The following LDHA variants were observed in gnomAD, a reference collection of about 807,000 sequenced individuals.
The protein encoded by LDHA is lactate dehydrogenase A, also known as L-lactate dehydrogenase A chain.
In LDHA, 10 loss-of-function variants were observed where a neutral mutation model predicts 36.3. That is an observed-to-expected ratio of 0.28 (90% CI 0.17 to 0.47). The LOEUF is 0.47. LDHA is among the 20% of genes least tolerant of loss of function. The probability of loss-of-function intolerance (pLI) is 0.99; values close to 1 mark genes in which losing one functional copy is unlikely to be tolerated. For missense variants in LDHA, 267 were observed against 405.8 expected (o/e 0.66, Z 2.94); for synonymous variants, 110 against 136.7 (o/e 0.80, Z 1.36).
chr11:18,397,526 CT>C (rs1294800190), intron 2 of LDHA: 2 of 152,180 alleles, frequency 1.3e-5, no homozygotes, highest in Admixed American at 6.6e-5. Flanking sequence ...ATTAAAATGT[CT>C]GAGGCGGGGC....
chr11:18,408,371 G>A lies in LDHA; in HGVS notation c.*1090G>A. The A allele has an allele frequency of 2.8e-6, 1 of 357,192 alleles. No individual in the cohort carries two copies. The highest frequency in any genetic ancestry group is 2.2e-5 in the South Asian group (1 of 45,646). The allele number at this position is 357,192 out of a possible 1,614,324, so 22.1% of individuals were successfully genotyped here. On this transcript the variant is annotated 3_prime_UTR_variant, in exon 8 of 8. Transcript: ENST00000422447. ...ACCAAAAAAAACAAGTAACCTTGGT[G>A]GATGTCTACTCAAGTTTTCTGCACA...
chr11:18,402,799 G>C, intron 4 of LDHA, 41 bp from the exon 5 acceptor site: 1 of 1,473,564 alleles, frequency 6.8e-7, no homozygotes, highest in Non-Finnish European at 9.5e-7. Context: ...TGTGTGTAGG[G>C]AGAGGATAAT....
intron 3 of LDHA, chr11:18,400,214 G>C (rs1235985176): frequency 5.3e-6 from 1 of 189,490 alleles, no homozygotes; most frequent in Non-Finnish European, 1.1e-5. Flanking sequence ...CTCTTGGCTT[G>C]ACCCTTTCAC....
intron 7 of LDHA, chr11:18,405,927 T>G (rs540234566): frequency 7.4e-6 from 2 of 269,380 alleles, no homozygotes; most frequent in South Asian, 7.5e-5. Context: ...ATACTATTAA[T>G]TAAATCATAA....
At chr11:18,401,473 CTTTTTTTTTTTTT>C (rs58157049) in intron 4 of LDHA, among the ~76,000 whole-genome samples, 1 of 68,588 alleles carries the variant, frequency 1.5e-5, no homozygotes, top group Non-Finnish European at 2.6e-5. Flanking sequence ...ATTTATTTTT[CTTTTTTTTTTTTT>C]TTTTTTTTTG....
chr11:18,402,458 T>C, intron 4 of LDHA: 1 of 228,962 alleles, frequency 4.4e-6, no homozygotes, highest in Non-Finnish European at 8.4e-6. Context: ...TATGCCTGGC[T>C]AGTTTGTTAA....
At chr11:18,395,261 C>T (rs1490768251) in intron 1 of LDHA, 1 of 155,512 alleles carries the variant, frequency 6.4e-6, no homozygotes, top group East Asian at 1.9e-4. Flanking sequence ...CCAGCCCTTC[C>T]GCACCTCAGA....
Position 18,407,933 on chromosome 11 carries a change from G to A in LDHA, c.*652G>A. ...AATTTGGAAATATTAGGCTATTCTT[G>A]GGCAACCCTGCAACGATTTTTTCTA... On this transcript the variant is annotated 3_prime_UTR_variant, in exon 8 of 8. Coordinates refer to ENST00000422447, the MANE Select transcript of LDHA (RefSeq NM_005566.4). 1 of 454,034 alleles carries A rather than the reference G, an allele frequency of 2.2e-6. No homozygotes were observed. The highest frequency in any genetic ancestry group is 1.6e-5 in the South Asian group (1 of 64,476). 28.1% of individuals were successfully genotyped at this position (454,034 alleles called of 1,614,324 possible).
intron 6 of LDHA, 57 bp from the exon 7 acceptor site, chr11:18,405,392 T>G: frequency 6.3e-7 from 1 of 1,589,142 alleles, no homozygotes; most frequent in Non-Finnish European, 8.6e-7. Flanking sequence ...ACTTTGTTTT[T>G]CTTTCTTTCT....
chr11:18,401,955 C>CTCTCTTTTTTTTTGTTTT (rs59534512), intron 4 of LDHA, among the ~76,000 whole-genome samples: 1 of 52,256 alleles, frequency 1.9e-5, no homozygotes, highest in Non-Finnish European at 3.8e-5. Context: ...TTGTTATTCT[C>CTCTCTTTTTTTTTGTTTT]TTTTTTTTTT....
At chr11:18,396,100 G>C (rs1387149355) in intron 1 of LDHA, among the ~76,000 whole-genome samples, 1 of 152,264 alleles carries the variant, frequency 6.6e-6, no homozygotes, top group Non-Finnish European at 1.5e-5. Context: ...GAGCTGCATA[G>C]CTCCAGATTG....
intron 2 of LDHA, 152 bp downstream of exon 2, chr11:18,397,120 A>G (rs1866331666): frequency 1.4e-6 from 1 of 693,564 alleles, no homozygotes; most frequent in African/African-American, 1.8e-5. Flanking sequence ...AACTTTTGAA[A>G]TATGATAATA....
intron 2 of LDHA, 78 bp downstream of exon 2, chr11:18,397,046 T>A: frequency 8.0e-7 from 1 of 1,257,526 alleles, no homozygotes; most frequent in Non-Finnish European, 1.2e-6. Context: ...TAGAACTGTA[T>A]TATTACATTT....
chr11:18,397,352 A>G (rs1180116973), intron 2 of LDHA: 1 of 163,622 alleles, frequency 6.1e-6, no homozygotes, highest in Non-Finnish European at 1.3e-5. Context: ...GGAAATCATA[A>G]GTTCTCCCAC....
At chr11:18,394,803 A>G in intron 1 of LDHA, 167 bp downstream of exon 1, 2 of 375,778 alleles carry the variant, frequency 5.3e-6, no homozygotes, top group Non-Finnish European at 1.1e-5. Flanking sequence ...CGGCCCACAC[A>G]ACGCATGTGT....
chr11:18,396,658 C>CT, intron 1 of LDHA, 161 bp from the exon 2 acceptor site: 1 of 1,386,970 alleles, frequency 7.2e-7, no homozygotes, highest in Admixed American at 3.0e-5. Context: ...CCTTTCAACT[C>CT]TCTTTTGGCA....
chr11:18,401,182 T>C (rs539116880), intron 4 of LDHA, among the ~76,000 whole-genome samples, 172 bp downstream of exon 4: 67 of 150,228 alleles, frequency 4.5e-4, no homozygotes, highest in African/African-American at 1.6e-3. Flanking sequence ...GGAGTTTTGC[T>C]CTTGTCGCCC....
rs199521486 is a variant in LDHA, at chr11:18,400,926, C to T, written c.334C>T (p.Arg112Cys). 51 of 1,612,784 alleles carry T rather than the reference C, an allele frequency of 3.2e-5. No homozygotes were observed. Among genetic ancestry groups the T allele is most frequent in the South Asian group, 4.4e-5 (4 of 91,050 alleles). ...EGESRLNLVQ[R>C]NVNIFKFIIP... ...AGAAAGCCGTCTTAATTTGGTCCAG[C>T]GTAACGTGAACATCTTTAAATTCAT... The change falls in exon 4 of 8, where the codon CGT becomes TGT. Residue 112 changes from arginine (R) to cysteine (C), a missense_variant. Coordinates refer to ENST00000422447, the MANE Select transcript of LDHA (RefSeq NM_005566.4).
At chr11:18,402,468 A>G (rs1866541856) in intron 4 of LDHA, 1 of 209,426 alleles carries the variant, frequency 4.8e-6, no homozygotes, top group Non-Finnish European at 9.3e-6. Flanking sequence ...TAGTTTGTTA[A>G]AAGTTTTTTT....
Sources: gnomAD v4.1 joint callset for allele counts (sites outside exome capture counted in the v4.1 genomes callset) on GRCh38, gnomAD v4.1.1 for gene constraint, MANE v1.5 for transcripts, NCBI Gene and HGNC (gene_info 2026-07-23, HGNC 2026-07-21) for gene names.